B3GAT2: variants seen among roughly 807,000 people sequenced by gnomAD.
B3GAT2 encodes galactosylgalactosylxylosylprotein 3-beta-glucuronosyltransferase 2.
A neutral mutation model predicts 27.8 loss-of-function variants in B3GAT2; 26 were observed. That is an observed-to-expected ratio of 0.93 (90% CI 0.68 to 1.30). B3GAT2 has a LOEUF of 1.30. Ranked by LOEUF, B3GAT2 falls within the 50% of genes most tolerant of loss-of-function variation. The pLI, the probability that B3GAT2 is intolerant of heterozygous loss-of-function variation, is 0.00. For missense variants in B3GAT2, 458 were observed against 459.0 expected, an observed-to-expected ratio of 1.00 and a Z score of 0.02; for synonymous variants, 218 against 195.1, an observed-to-expected ratio of 1.12 and a Z score of -0.98.
At chr6:70,935,392 T>C (rs1773128075) in intron 1 of B3GAT2, among the ~76,000 whole-genome samples, 1 of 152,048 alleles carries the variant, frequency 6.6e-6, no homozygotes, top group South Asian at 2.1e-4. Flanking sequence ...AGGTGGAGGC[T>C]GCAGTAAGCT....
intron 1 of B3GAT2, among the ~76,000 whole-genome samples, chr6:70,902,622 A>ATATATATG (rs1772519931): frequency 2.2e-5 from 2 of 91,734 alleles, no homozygotes; most frequent in East Asian, 1.1e-3. Flanking sequence ...AATGGGATAT[A>ATATATATG]TATATATATA....
intron 1 of B3GAT2, among the ~76,000 whole-genome samples, chr6:70,952,317 A>G (rs1765590287): frequency 6.6e-6 from 1 of 151,612 alleles, no homozygotes; most frequent in South Asian, 2.1e-4. Context: ...TAACTTCAAA[A>G]TTTCTAAAGT....
At chr6:70,917,430 C>T (rs1278239097) in intron 1 of B3GAT2, among the ~76,000 whole-genome samples, 1 of 151,978 alleles carries the variant, frequency 6.6e-6, no homozygotes, top group Non-Finnish European at 1.5e-5. Context: ...TTCTTGTCTT[C>T]TGCTAGCTTT....
intron 1 of B3GAT2, among the ~76,000 whole-genome samples, chr6:70,939,437 C>T (rs1030940035): frequency 1.3e-5 from 2 of 150,914 alleles, no homozygotes; most frequent in African/African-American, 4.9e-5. Context: ...GCTATAAAGA[C>T]ACATGCACAT....
At chr6:70,899,859 A>T (rs1268739807) in intron 1 of B3GAT2, among the ~76,000 whole-genome samples, 2 of 152,222 alleles carry the variant, frequency 1.3e-5, no homozygotes, top group Admixed American at 1.3e-4. Context: ...TGTAACAACA[A>T]CAGTGACTAC....
At chr6:70,864,927 G>C (rs1771825308) in intron 2 of B3GAT2, among the ~76,000 whole-genome samples, 1 of 151,810 alleles carries the variant, frequency 6.6e-6, no homozygotes, top group Non-Finnish European at 1.5e-5. Flanking sequence ...TTCTGCCCTG[G>C]TCAGCTGAGT....
intron 1 of B3GAT2, among the ~76,000 whole-genome samples, chr6:70,897,664 A>T (rs1459801068): frequency 4.1e-5 from 3 of 73,254 alleles, no homozygotes; most frequent in South Asian, 4.0e-4. Context: ...GCTTGAAAAA[A>T]AAAAAAATAT....
In B3GAT2 at chr6:70,860,420, AT is replaced by A. The variant is rs111506165; in HGVS notation, c.*1242del. 3.5e-5 allele frequency: 51 copies of A among 1,478,108 alleles called. No homozygotes were observed. Among genetic ancestry groups the A allele is most frequent in the Admixed American group, 2.6e-4 (11 of 42,990 alleles). 91.6% of individuals were successfully genotyped at this position (1,478,108 alleles called of 1,614,324 possible). A position where few individuals can be genotyped will look rare whatever the true frequency, so the allele number is the denominator to read the frequency against. On this transcript the variant is annotated 3_prime_UTR_variant, in exon 4 of 4. Coordinates refer to ENST00000230053, the MANE Select transcript of B3GAT2 (RefSeq NM_080742.3). The stretch of plus-strand genomic sequence containing the variant: ...AGTTCCCCTGTTTATTCATATGCAT[AT>A]TTTTTTTCTTTTTACCCATTTGTTC...
intron 2 of B3GAT2, among the ~76,000 whole-genome samples, chr6:70,880,045 A>C (rs1772076023): frequency 8.8e-6 from 1 of 113,704 alleles, no homozygotes; most frequent in African/African-American, 3.4e-5. Flanking sequence ...GCTAGTTAGG[A>C]GGTTACTGCT....
At position 70,860,418 on chromosome 6, in the gene B3GAT2, A is replaced by ATATT. The variant is rs1771665780; in HGVS notation, c.*1241_*1244dup. On this transcript the variant is annotated 3_prime_UTR_variant, in exon 4 of 4. Transcript: ENST00000230053. Reference sequence around the variant, plus strand: ...CTAGTTCCCCTGTTTATTCATATGCATATTTTTTTTCTTTTTACCCATTTG... The same window carrying ATATT: ...CTAGTTCCCCTGTTTATTCATATGCATATTTATTTTTTTTCTTTTTACCCATTTG... 3.4e-6 allele frequency: 5 copies of ATATT among 1,487,772 alleles called. No homozygotes were observed. Among genetic ancestry groups the ATATT allele is most frequent in the Non-Finnish European group, 9.0e-7 (1 of 1,109,740 alleles). 92.2% of individuals were successfully genotyped at this position (1,487,772 alleles called of 1,614,324 possible).
Position 70,858,273 on chromosome 6 carries a change from T to A in B3GAT2, c.*3390A>T. The A allele has an allele frequency of 9.3e-7, 1 of 1,073,938 alleles. No homozygotes were observed. The highest frequency in any genetic ancestry group is 1.3e-6 in the Non-Finnish European group (1 of 757,398). The allele number at this position is 1,073,938 out of a possible 1,614,324, so 66.5% of individuals were successfully genotyped here. On this transcript the variant is annotated 3_prime_UTR_variant, in exon 4 of 4. Coordinates refer to ENST00000230053, the MANE Select transcript of B3GAT2 (RefSeq NM_080742.3). ...CTAGCTTCTCCCAAATCAAACCAGA[T>A]TTATTTTCTAAATCTTTTTTTTTTT...
chr6:70,927,476 A>G (rs889059211), intron 1 of B3GAT2, among the ~76,000 whole-genome samples: 1 of 152,204 alleles, frequency 6.6e-6, no homozygotes, highest in Admixed American at 6.5e-5. Context: ...AAAGGGATGG[A>G]GGAAGATCTA....
chr6:70,896,874 G>A (rs1234888118), intron 1 of B3GAT2, among the ~76,000 whole-genome samples: 3 of 152,162 alleles, frequency 2.0e-5, no homozygotes, highest in Non-Finnish European at 4.4e-5. Context: ...AACTAAATAC[G>A]TGTTTACAAG....
chr6:70,952,763 G>A (rs1197481434), intron 1 of B3GAT2, among the ~76,000 whole-genome samples: 1 of 152,142 alleles, frequency 6.6e-6, no homozygotes, highest in African/African-American at 2.4e-5. Context: ...AACTTCATTT[G>A]CAAATGGATT....
chr6:70,892,473 G>T (rs1311516982), intron 2 of B3GAT2, among the ~76,000 whole-genome samples: 1 of 152,318 alleles, frequency 6.6e-6, no homozygotes, highest in South Asian at 2.1e-4. Context: ...CACGTGTTAA[G>T]GAGATATGTC....
chr6:70,883,705 G>C (rs1037540549), intron 2 of B3GAT2, among the ~76,000 whole-genome samples: 1 of 152,110 alleles, frequency 6.6e-6, no homozygotes, highest in Non-Finnish European at 1.5e-5. Context: ...ACTTCAAAAT[G>C]GTTAAAATGG....
intron 1 of B3GAT2, among the ~76,000 whole-genome samples, chr6:70,913,423 A>T (rs1772719276): frequency 6.6e-6 from 1 of 152,180 alleles, no homozygotes; most frequent in Non-Finnish European, 1.5e-5. Context: ...AATAGTTTCA[A>T]AAAATGTCTT....
At chr6:70,937,951 G>A (rs368058880) in intron 1 of B3GAT2, among the ~76,000 whole-genome samples, 11,999 of 151,242 alleles carry the variant, frequency 0.079, 593 homozygotes, top group Non-Finnish European at 0.11. Context: ...TAGGAAAAGA[G>A]GGAGTCAAAT....
chr6:70,925,955 A>AG (rs1772949492), intron 1 of B3GAT2, among the ~76,000 whole-genome samples: 1 of 152,220 alleles, frequency 6.6e-6, no homozygotes, highest in Non-Finnish European at 1.5e-5. Flanking sequence ...TTCCAGAGGA[A>AG]GGATCAGGCA....
Sources: allele counts gnomAD v4.1 joint callset (sites outside exome capture counted in the v4.1 genomes callset), GRCh38; gene constraint gnomAD v4.1.1; transcripts MANE v1.5; gene names NCBI Gene and HGNC (gene_info 2026-07-23, HGNC 2026-07-21).